Variants in PER2 observed in about 807,000 individuals in gnomAD.
PER2 encodes period circadian regulator 2, also known as period circadian protein homolog 2.
A neutral mutation model predicts 121.0 loss-of-function variants in PER2; 66 were observed. The ratio of observed to expected loss-of-function variants is 0.55; its 90% confidence interval spans 0.45 to 0.67. The LOEUF is 0.67. PER2 is among the 30% of genes least tolerant of loss of function. The pLI, the probability that PER2 is intolerant of heterozygous loss-of-function variation, is 0.00. For missense variants in PER2, 1,521 were observed against 1,635.0 expected (o/e 0.93, Z 1.20); for synonymous variants, 684 against 659.9 (o/e 1.04, Z -0.56).
rs760623254 is a variant in PER2, at chr2:238,246,528, A to G, written c.3619-4T>C. 2 of 1,538,262 alleles carry G rather than the reference A, an allele frequency of 1.3e-6. No homozygotes were observed. Among genetic ancestry groups the G allele is most frequent in the Non-Finnish European group, 1.8e-6 (2 of 1,112,018 alleles). On this transcript the variant is annotated splice_region_variant and splice_polypyrimidine_tract_variant and intron_variant, in intron 22 of 22. Coordinates refer to ENST00000254657, the MANE Select transcript of PER2 (RefSeq NM_022817.3). ...TGTTTTCACAGTAAACACATTCCTTAAAAGAAAAAAAAAGAGAAATCAGTA... is the reference window on the plus strand; with the variant it reads ...TGTTTTCACAGTAAACACATTCCTTGAAAGAAAAAAAAAGAGAAATCAGTA...
At chr2:238,263,620 C>A (rs1027783117) in intron 9 of PER2, among the ~76,000 whole-genome samples, 12 of 152,144 alleles carry the variant, frequency 7.9e-5, no homozygotes, top group Non-Finnish European at 1.8e-4. Context: ...CGGAGCTGAA[C>A]TTCAGCAGCA....
In PER2 at chr2:238,250,623, A is replaced by C. The variant is rs1695572357; in HGVS notation, c.3395T>G (p.Leu1132Arg). Residue 1132 changes from leucine (L) to arginine (R), a missense_variant, in exon 21 of 23, where the codon CTG becomes CGG. Leu to Arg is a moderately radical substitution (Grantham distance 102, BLOSUM62 -2). Transcript: ENST00000254657. The stretch of plus-strand genomic sequence containing the variant: ...CATCAGCAGCCAGATGGGATCCTGC[A>C]GGACGCACTTAATGAAATGCTCACT... ...EESEHFIKCV[L>R]QDPIWLLMAD... 1 of 1,613,824 alleles carries C rather than the reference A, an allele frequency of 6.2e-7. No homozygotes were observed. The highest frequency in any genetic ancestry group is 1.3e-5 in the African/African-American group (1 of 74,950).
intron 8 of PER2, among the ~76,000 whole-genome samples, chr2:238,266,091 G>GAC (rs1696091869): frequency 6.6e-6 from 1 of 151,908 alleles, no homozygotes; most frequent in African/African-American, 2.4e-5. Context: ...TTTTAGTTGA[G>GAC]GTGGGGTTTC....
At chr2:238,271,561 A>ATGTGG in intron 5 of PER2, 48 bp from the exon 6 acceptor site, 1 of 1,440,396 alleles carries the variant, frequency 6.9e-7, no homozygotes, top group Non-Finnish European at 9.7e-7. Flanking sequence ...ATGGTGTCGG[A>ATGTGG]CGCCACATCC....
In PER2 at chr2:238,260,987, C is replaced by G. The variant is rs779075056; in HGVS notation, c.1417-34G>C. On this transcript the variant is annotated intron_variant, in intron 12 of 22. Transcript: ENST00000254657. The stretch of plus-strand genomic sequence containing the variant: ...ACAGCAGACAGCGCTACAGACACAG[C>G]CAGGGCTGCTGAGCTATGCATGTGG... The G allele has an allele frequency of 7.5e-6, 12 of 1,605,524 alleles. No individual in the cohort carries two copies. In the African/African-American group the frequency reaches 1.6e-4, roughly 21 times the overall value.
intron 12 of PER2, 139 bp downstream of exon 12, chr2:238,261,590 G>A: frequency 1.4e-6 from 1 of 699,864 alleles, no homozygotes; most frequent in Non-Finnish European, 2.6e-6. Flanking sequence ...TGCCCAAACT[G>A]TCCCCTGGGG....
intron 8 of PER2, among the ~76,000 whole-genome samples, chr2:238,265,985 C>T (rs145748353): frequency 0.016 from 2,460 of 151,654 alleles, 65 homozygotes; most frequent in East Asian, 0.12. Flanking sequence ...CTCATTGCAA[C>T]CTCCGCCTCC....
chr2:238,261,777 G>C lies in PER2; in HGVS notation c.1368C>G (p.His456Gln). 1 of 1,577,802 alleles carries C rather than the reference G, an allele frequency of 6.3e-7. No individual in the cohort carries two copies. Among genetic ancestry groups the C allele is most frequent in the Non-Finnish European group, 8.6e-7 (1 of 1,160,672 alleles). Residue 456 changes from histidine (H) to glutamine (Q), a missense_variant, in exon 12 of 23, where the codon CAC (histidine) becomes CAG (glutamine). Coordinates refer to ENST00000254657, the MANE Select transcript of PER2 (RefSeq NM_022817.3). ...GCTCTGTGAGCTCCTGAATGCTGGG[G>C]TGCAGGGCCTTCTCCTCTGTGCAGG... is the stretch of plus-strand genomic sequence containing the variant. ...AHPCTEEKAL[H>Q]PSIQELTEQI...
chr2:238,263,985 G>A (rs1574849118), intron 9 of PER2, among the ~76,000 whole-genome samples: 1 of 150,192 alleles, frequency 6.7e-6, no homozygotes. Flanking sequence ...AAAAGAGGGG[G>A]AGGAGGAAGA....
intron 14 of PER2, 117 bp from the exon 15 acceptor site, chr2:238,258,761 A>C: frequency 9.7e-7 from 1 of 1,030,616 alleles, no homozygotes; most frequent in Non-Finnish European, 1.5e-6. Context: ...AATCTGCTTC[A>C]TGAGTATGGA....
At chr2:238,261,099 C>A (rs1695913996) in intron 12 of PER2, 146 bp from the exon 13 acceptor site, 1 of 963,122 alleles carries the variant, frequency 1.0e-6, no homozygotes, top group Non-Finnish European at 1.5e-6. Context: ...GAGGTTTGAA[C>A]CCCAGGGTCA....
intron 22 of PER2, 149 bp from the exon 23 acceptor site, chr2:238,246,673 G>A (rs540978550): frequency 1.3e-5 from 7 of 555,766 alleles, no homozygotes; most frequent in South Asian, 5.1e-5. Context: ...TCAGGAGATC[G>A]AGACCTTCCT....
chr2:238,255,681 A>T lies in PER2; in HGVS notation c.2296T>A (p.Ser766Thr), dbSNP rs780510808. 1.2e-6 allele frequency: 2 copies of T among 1,614,142 alleles called. No individual in the cohort carries two copies. Among genetic ancestry groups the T allele is most frequent in the African/African-American group, 2.7e-5 (2 of 74,954 alleles). Residue 766 changes from serine (S) to threonine (T), a missense_variant, in exon 18 of 23, where the codon TCC becomes ACC. Coordinates refer to ENST00000254657, the MANE Select transcript of PER2 (RefSeq NM_022817.3). Reference protein sequence around the residue: ...SHCHYYLQERSKGQPSERTAP... With the variant: ...SHCHYYLQERTKGQPSERTAP... ...CTTCGTTCACTTGGCTGCCCCTTGG[A>T]TCTTTCTTGCAAGTAGTAATGGCAG...
Position 238,270,939 on chromosome 2 carries a change from G to C in PER2, c.772+373C>G, listed in dbSNP as rs114095264. 5.3e-3 allele frequency among the ~76,000 whole-genome samples: 813 copies of C among 152,368 alleles called. 11 individuals are homozygous for C. The highest frequency in any genetic ancestry group is 0.019 in the African/African-American group (775 of 41,586). On this transcript the variant is annotated intron_variant, in intron 6 of 22. Coordinates refer to ENST00000254657, the MANE Select transcript of PER2 (RefSeq NM_022817.3). ...TATGACCCACTCACTGGTTGCAGCTGCTAAGGTGGCAGGGGGACGCCTGCG... is the reference window on the plus strand; with the variant it reads ...TATGACCCACTCACTGGTTGCAGCTCCTAAGGTGGCAGGGGGACGCCTGCG...
Position 238,268,205 on chromosome 2 carries a change from A to G in PER2, c.825-7T>C, listed in dbSNP as rs1354082232. 1 of 1,613,692 alleles carries G rather than the reference A, an allele frequency of 6.2e-7. No homozygotes were observed. The highest frequency in any genetic ancestry group is 8.5e-7 in the Non-Finnish European group (1 of 1,179,936). The stretch of plus-strand genomic sequence containing the variant: ...CTCGTGGCTTTTCCGGACACTGCGG[A>G]GAAGAGCCACGCTCTAAGTTGGGAA... On this transcript the variant is annotated splice_polypyrimidine_tract_variant and splice_region_variant and intron_variant, in intron 7 of 22. Transcript: ENST00000254657. The surrounding 1 kb of genome is among the most constrained non-coding windows in gnomAD (Gnocchi z 4.0).
chr2:238,271,320 C>T lies in PER2; in HGVS notation c.764G>A (p.Ser255Asn). 1 of 1,613,738 alleles carries T rather than the reference C, an allele frequency of 6.2e-7. No individual in the cohort carries two copies. The highest frequency in any genetic ancestry group is 1.3e-5 in the African/African-American group (1 of 75,048). ...PYKLPLWSMC[S>N]GADSFTQECM... ...TACCTCGATAACCTCACCTGCTCCA[C>T]TGCACATGCTCCACAAGGGAAGCTT... Residue 255 changes from serine to asparagine, a missense_variant, in exon 6 of 23, where the codon AGT (serine) becomes AAT (asparagine). By Grantham distance (46) the Ser-to-Asn change is conservative. Transcript: ENST00000254657.
Position 238,244,336 on chromosome 2 carries a change from A to C in PER2, c.*2039T>G, listed in dbSNP as rs1449553901. Reference sequence around the variant, plus strand: ...CATGACTTGATGCTTGGCATCACGTAAACAAATTCACAAGATGATCCTATT... The same window carrying C: ...CATGACTTGATGCTTGGCATCACGTCAACAAATTCACAAGATGATCCTATT... On this transcript the variant is annotated 3_prime_UTR_variant, in exon 23 of 23. Coordinates refer to ENST00000254657, the MANE Select transcript of PER2 (RefSeq NM_022817.3). 6.6e-6 allele frequency: 1 copy of C among 152,642 alleles called. No individual in the cohort carries two copies. Among genetic ancestry groups the C allele is most frequent in the Non-Finnish European group, 1.5e-5 (1 of 68,050 alleles). 9.5% of individuals were successfully genotyped at this position (152,642 alleles called of 1,614,324 possible).
intron 8 of PER2, among the ~76,000 whole-genome samples, chr2:238,266,446 C>T (rs1356101125): frequency 6.6e-6 from 1 of 152,120 alleles, no homozygotes; most frequent in Non-Finnish European, 1.5e-5. Flanking sequence ...TAGCAAATGT[C>T]ACTATACTGG....
chr2:238,279,098 A>G (rs1187628478), intron 1 of PER2, among the ~76,000 whole-genome samples: 3 of 152,116 alleles, frequency 2.0e-5, no homozygotes, highest in Non-Finnish European at 2.9e-5. Context: ...TGAGAGGCCA[A>G]AATGCCATCC....
Sources: gnomAD v4.1 joint callset for allele counts (sites outside exome capture counted in the v4.1 genomes callset) on GRCh38, gnomAD v4.1.1 for gene constraint, Gnocchi (gnomAD v3.1) non-coding constraint, MANE v1.5 for transcripts, NCBI Gene and HGNC (gene_info 2026-07-23, HGNC 2026-07-21) for gene names.